Variants in EYA1 observed in about 807,000 individuals in gnomAD.
The protein encoded by EYA1 is EYA transcriptional coactivator and phosphatase 1, also known as protein phosphatase EYA1.
A neutral mutation model predicts 82.0 loss-of-function variants in EYA1; 16 were observed. The observed-to-expected ratio is 0.20, with a 90% CI of 0.13 to 0.30. The LOEUF is 0.30. Ranked by LOEUF, EYA1 falls within the 10% of genes least tolerant of loss-of-function variation. EYA1 has a pLI of 1.00. For synonymous variants in EYA1, 261 were observed against 264.4 expected (o/e 0.99, Z 0.12); for missense variants, 633 against 730.7 (o/e 0.87, Z 1.54).
In EYA1 at chr8:71,265,621, T is replaced by C. The variant is rs1815704060; in HGVS notation, c.1050+4119A>G. 2.0e-5 allele frequency among the ~76,000 whole-genome samples: 3 copies of C among 152,234 alleles called. No individual in the cohort carries two copies. The South Asian group carries it at 6.2e-4, about 31-fold the overall frequency. ...CATGCCTGAGACATCAGCACAATTT[T>C]GATTTGAAATACAAGTTTTGGGTGT... On this transcript the variant is annotated intron_variant, in intron 11 of 17. Transcript: ENST00000340726.
intron 2 of EYA1, among the ~76,000 whole-genome samples, chr8:71,492,760 C>T (rs1170018503): frequency 3.9e-5 from 6 of 152,162 alleles, no homozygotes; most frequent in Middle Eastern, 3.4e-3. Context: ...CCACTGCGCC[C>T]GGCCTTTTCT....
At chr8:71,438,682 C>T (rs374788512) in intron 2 of EYA1, among the ~76,000 whole-genome samples, 10 of 152,108 alleles carry the variant, frequency 6.6e-5, no homozygotes, top group East Asian at 1.9e-4. Flanking sequence ...AAGGAAGGAG[C>T]GTCCAAGTGG....
At chr8:71,509,343 C>A (rs1431159144) in intron 2 of EYA1, among the ~76,000 whole-genome samples, 1 of 152,044 alleles carries the variant, frequency 6.6e-6, no homozygotes. Context: ...TATAACCAAC[C>A]TTATTGCTTT....
intron 2 of EYA1, among the ~76,000 whole-genome samples, chr8:71,464,554 T>G (rs1348581579): frequency 6.6e-6 from 1 of 152,222 alleles, no homozygotes; most frequent in African/African-American, 2.4e-5. Flanking sequence ...CAGAAAATAT[T>G]TAGAATACAT....
intron 2 of EYA1, chr8:71,535,676 A>C: frequency 8.6e-7 from 1 of 1,157,622 alleles, no homozygotes; most frequent in Non-Finnish European, 1.2e-6. Context: ...CTCGGGTTAC[A>C]ATAAAAATGC....
intron 3 of EYA1, among the ~76,000 whole-genome samples, chr8:71,348,547 G>C (rs1014279811): frequency 1.3e-5 from 2 of 152,234 alleles, no homozygotes; most frequent in Non-Finnish European, 2.9e-5. Flanking sequence ...TTATCAGCAA[G>C]CCTAGCTCTA....
At chr8:71,210,860 T>C (rs1397721686) in intron 17 of EYA1, among the ~76,000 whole-genome samples, 1 of 152,270 alleles carries the variant, frequency 6.6e-6, no homozygotes. Flanking sequence ...AAGGTCCTGC[T>C]GGCACATGTG....
intron 17 of EYA1, 148 bp from the exon 18 acceptor site, chr8:71,199,568 A>G: frequency 1.5e-6 from 1 of 682,066 alleles, no homozygotes; most frequent in Non-Finnish European, 2.7e-6. Context: ...GTTTAAAACA[A>G]AAATTCAAAC....
intron 2 of EYA1, among the ~76,000 whole-genome samples, chr8:71,497,350 C>T (rs1024271967): frequency 6.6e-6 from 1 of 152,184 alleles, no homozygotes; most frequent in African/African-American, 2.4e-5. Flanking sequence ...TAGGGATTAA[C>T]ATGCAAAATA....
rs191912478 is a variant in EYA1, at chr8:71,251,533, C to T, written c.1051-6841G>A. Among the ~76,000 whole-genome samples, 12 of 152,336 alleles carry T rather than the reference C, an allele frequency of 7.9e-5. No individual in the cohort carries two copies. The East Asian group carries it at 1.9e-3, about 24-fold the overall frequency. ...AAAGTGAAGTGAAGGAACTTGTTGTCATCCTAGGCTACCCATGGCTGTTTT... is the reference window on the plus strand; with the variant it reads ...AAAGTGAAGTGAAGGAACTTGTTGTTATCCTAGGCTACCCATGGCTGTTTT... On this transcript the variant is annotated intron_variant, in intron 11 of 17. Coordinates refer to ENST00000340726, the MANE Select transcript of EYA1 (RefSeq NM_000503.6).
At chr8:71,231,210 C>T (rs73684726) in intron 12 of EYA1, among the ~76,000 whole-genome samples, 1,663 of 152,342 alleles carry the variant, frequency 0.011, 39 homozygotes, top group African/African-American at 0.038. Context: ...ACAAATGCCA[C>T]TGATTTCTCA....
intron 2 of EYA1, among the ~76,000 whole-genome samples, chr8:71,485,845 A>G (rs1051150788): frequency 6.6e-6 from 1 of 152,178 alleles, no homozygotes; most frequent in African/African-American, 2.4e-5. Context: ...TAAAGGCTCC[A>G]TGGATGGCAT....
chr8:71,203,578 T>A lies in EYA1; in HGVS notation c.1699-4158A>T, dbSNP rs929655367. Reference sequence around the variant, plus strand: ...GTAATTGGCCTGTGGAGGATGGGGCTGGACTGGTGTGTAAAATCGTAGAGA... The same window carrying A: ...GTAATTGGCCTGTGGAGGATGGGGCAGGACTGGTGTGTAAAATCGTAGAGA... On this transcript the variant is annotated intron_variant, in intron 17 of 17. Coordinates refer to ENST00000340726, the MANE Select transcript of EYA1 (RefSeq NM_000503.6). Among the ~76,000 whole-genome samples the A allele has an allele frequency of 3.3e-5, 5 of 152,140 alleles. No individual in the cohort carries two copies. In the South Asian group the frequency reaches 1.0e-3, roughly 31 times the overall value.
chr8:71,484,759 C>A (rs1000082374), intron 2 of EYA1, among the ~76,000 whole-genome samples: 3 of 152,236 alleles, frequency 2.0e-5, no homozygotes, highest in African/African-American at 7.2e-5. Context: ...TCCCAGGGAG[C>A]TATTCCACTT....
intron 16 of EYA1, among the ~76,000 whole-genome samples, chr8:71,214,801 T>C (rs986693655): frequency 6.6e-6 from 1 of 152,234 alleles, no homozygotes; most frequent in Non-Finnish European, 1.5e-5. Context: ...TGTAACTGTC[T>C]GCTTCCCCTG....
chr8:71,401,805 T>C (rs948861789), intron 2 of EYA1, among the ~76,000 whole-genome samples: 2 of 152,214 alleles, frequency 1.3e-5, no homozygotes, highest in African/African-American at 2.4e-5. Flanking sequence ...CCACTACTAC[T>C]ACCACCACTT....
At chr8:71,278,361 C>A (rs183737036) in intron 9 of EYA1, among the ~76,000 whole-genome samples, 12 of 152,284 alleles carry the variant, frequency 7.9e-5, no homozygotes, top group East Asian at 3.9e-4. Context: ...TTCCTTAATA[C>A]GCTGTTTTCT....
Position 71,236,399 on chromosome 8 carries a change from T to C in EYA1, c.1140+8204A>G, listed in dbSNP as rs1408659685. Among the ~76,000 whole-genome samples the C allele has an allele frequency of 3.3e-5, 5 of 152,200 alleles. No homozygotes were observed. In the East Asian group the frequency reaches 7.7e-4, roughly 23 times the overall value. On this transcript the variant is annotated intron_variant, in intron 12 of 17. Coordinates refer to ENST00000340726, the MANE Select transcript of EYA1 (RefSeq NM_000503.6). The stretch of plus-strand genomic sequence containing the variant: ...GGTATGACATGTTGAATAGGCTAGA[T>C]TGTATCTTAGAGCTAATTTTTAAAA...
intron 7 of EYA1, among the ~76,000 whole-genome samples, chr8:71,312,718 G>A (rs954800780): frequency 1.2e-4 from 18 of 152,286 alleles, no homozygotes; most frequent in South Asian, 2.1e-4. Context: ...GATTACAGGC[G>A]TGAGCCATAG....
Sources: gnomAD v4.1 joint callset for allele counts (sites outside exome capture counted in the v4.1 genomes callset) on GRCh38, gnomAD v4.1.1 for gene constraint, MANE v1.5 for transcripts, NCBI Gene and HGNC (gene_info 2026-07-23, HGNC 2026-07-21) for gene names.